The following FHIT variants were observed in gnomAD, a reference collection of about 807,000 sequenced individuals.
FHIT encodes bis(5'-adenosyl)-triphosphatase.
FHIT carries 19 observed loss-of-function variants against 17.9 expected under a neutral mutation model. The observed-to-expected ratio is 1.06, with a 90% confidence interval of 0.74 to 1.56. The LOEUF is 1.56. Among genes scored for constraint, FHIT ranks in the 40% most tolerant of loss-of-function variants. The probability of loss-of-function intolerance (pLI) is 0.00; values close to 1 mark genes in which losing one functional copy is unlikely to be tolerated. For synonymous variants in FHIT, 81 were observed against 69.7 expected (o/e 1.16, Z -0.81); for missense variants, 248 against 189.2 (o/e 1.31, Z -1.82).
At chr3:59,944,805 G>A (rs768341442) in intron 7 of FHIT, among the ~76,000 whole-genome samples, 15 of 152,094 alleles carry the variant, frequency 9.9e-5, no homozygotes, top group Non-Finnish European at 1.9e-4. Context: ...ATGTTAATTT[G>A]CTTAGGATAC....
intron 8 of FHIT, among the ~76,000 whole-genome samples, chr3:59,793,193 T>C (rs1416116941): frequency 6.6e-6 from 1 of 152,184 alleles, no homozygotes; most frequent in Non-Finnish European, 1.5e-5. Flanking sequence ...AGTTTTTGCA[T>C]CTAATTTCAG....
At chr3:59,878,025 A>G (rs1349255108) in intron 8 of FHIT, among the ~76,000 whole-genome samples, 1 of 152,192 alleles carries the variant, frequency 6.6e-6, no homozygotes, top group African/African-American at 2.4e-5. Flanking sequence ...ATATAGGCCA[A>G]ATTAATAAGG....
At chr3:60,850,187 C>G (rs1334499111) in intron 3 of FHIT, among the ~76,000 whole-genome samples, 2 of 152,022 alleles carry the variant, frequency 1.3e-5, no homozygotes, top group Non-Finnish European at 2.9e-5. Flanking sequence ...TCAGAGAGGC[C>G]TTCGCTGACT....
chr3:60,805,491 T>C lies in FHIT; in HGVS notation c.-18+16428A>G, dbSNP rs186818282. On this transcript the variant is annotated intron_variant, in intron 4 of 9. Coordinates refer to ENST00000492590, the MANE Select transcript of FHIT (RefSeq NM_002012.4). The stretch of plus-strand genomic sequence containing the variant: ...TCTTCTTATAAGGGCACCAGTTGCA[T>C]TGGATTAGGTCCCACCCTTATGACC... 1.5e-3 allele frequency among the ~76,000 whole-genome samples: 232 copies of C among 152,298 alleles called. 5 individuals carry two copies. In the South Asian group the frequency reaches 0.031, roughly 20 times the overall value.
At chr3:60,894,109 G>T (rs1705660289) in intron 3 of FHIT, among the ~76,000 whole-genome samples, 1 of 152,142 alleles carries the variant, frequency 6.6e-6, no homozygotes, top group Non-Finnish European at 1.5e-5. Flanking sequence ...TTATTGTGGG[G>T]ATGGGGGTTG....
chr3:60,910,187 G>C lies in FHIT; in HGVS notation c.-110-88176C>G, dbSNP rs563752897. Among the ~76,000 whole-genome samples the C allele has an allele frequency of 2.6e-5, 4 of 152,246 alleles. No individual in the cohort carries two copies. In the South Asian group the frequency reaches 8.3e-4, roughly 32 times the overall value. ...TCTAACCAATCAAAATCTTCTGGGG[G>C]AAGTGTATGAATCTGCAGTTAGAGA... is the stretch of plus-strand genomic sequence containing the variant. On this transcript the variant is annotated intron_variant, in intron 3 of 9. Coordinates refer to ENST00000492590, the MANE Select transcript of FHIT (RefSeq NM_002012.4).
At chr3:60,208,249 T>A (rs987321138) in intron 5 of FHIT, among the ~76,000 whole-genome samples, 2 of 152,200 alleles carry the variant, frequency 1.3e-5, no homozygotes, top group Non-Finnish European at 2.9e-5. Flanking sequence ...TTTAACCTTA[T>A]GAAACATTTT....
chr3:59,749,274 C>G lies in FHIT; in HGVS notation c.*311G>C, dbSNP rs1357358370. The G allele has an allele frequency of 8.7e-6, 2 of 230,496 alleles. No individual in the cohort carries two copies. The highest frequency in any genetic ancestry group is 1.7e-5 in the Non-Finnish European group (2 of 116,558). 14.3% of individuals were successfully genotyped at this position (230,496 alleles called of 1,614,324 possible). A position where few individuals can be genotyped will look rare whatever the true frequency, so the allele number is the denominator to read the frequency against. On this transcript the variant is annotated 3_prime_UTR_variant, in exon 10 of 10. Transcript: ENST00000492590. ...ACTGTAACTGTAATAGGTTTGTTGC[C>G]TAATTCATGGCAAGTCAATACACCG... is the stretch of plus-strand genomic sequence containing the variant.
chr3:60,116,950 A>T (rs1170827940), intron 5 of FHIT, among the ~76,000 whole-genome samples: 2 of 152,042 alleles, frequency 1.3e-5, no homozygotes, highest in Non-Finnish European at 2.9e-5. Flanking sequence ...ATATTGTACA[A>T]AATGCACCAT....
At chr3:61,215,116 C>G (rs904912924) in intron 1 of FHIT, among the ~76,000 whole-genome samples, 3 of 151,892 alleles carry the variant, frequency 2.0e-5, no homozygotes, top group African/African-American at 7.3e-5. Flanking sequence ...GATGCCCTCT[C>G]TCACCACTCC....
chr3:60,165,959 T>G (rs2107383395), intron 5 of FHIT, among the ~76,000 whole-genome samples: 1 of 152,288 alleles, frequency 6.6e-6, no homozygotes, highest in South Asian at 2.1e-4. Context: ...TTTTTATACT[T>G]ACAAAAATGC....
intron 5 of FHIT, among the ~76,000 whole-genome samples, chr3:60,249,537 A>AC (rs552893333): frequency 4.6e-5 from 7 of 151,052 alleles, no homozygotes; most frequent in African/African-American, 1.2e-4. Flanking sequence ...AGGATGAAGG[A>AC]TTTTTTTTTC....
At chr3:61,071,135 C>T (rs1387479287) in intron 2 of FHIT, among the ~76,000 whole-genome samples, 1 of 152,076 alleles carries the variant, frequency 6.6e-6, no homozygotes, top group Non-Finnish European at 1.5e-5. Flanking sequence ...ACTCAGCAAT[C>T]CCCTTGAGAA....
chr3:59,818,868 G>T (rs904372735), intron 8 of FHIT, among the ~76,000 whole-genome samples: 34 of 152,150 alleles, frequency 2.2e-4, no homozygotes, highest in African/African-American at 8.2e-4. Flanking sequence ...CTTCCCAGCT[G>T]CCCCTTGATG....
intron 5 of FHIT, among the ~76,000 whole-genome samples, chr3:60,085,541 T>C (rs1428830838): frequency 6.6e-6 from 1 of 152,180 alleles, no homozygotes; most frequent in African/African-American, 2.4e-5. Context: ...TCTAATGTTA[T>C]TTTTTTCCTC....
chr3:60,318,950 C>T (rs1709291870), intron 5 of FHIT, among the ~76,000 whole-genome samples: 1 of 152,084 alleles, frequency 6.6e-6, no homozygotes, highest in African/African-American at 2.4e-5. Flanking sequence ...TTCTTTCCCT[C>T]ATCTCCAAAG....
intron 7 of FHIT, among the ~76,000 whole-genome samples, chr3:59,997,429 AAC>A (rs1400889620): frequency 6.6e-6 from 1 of 152,172 alleles, no homozygotes; most frequent in Admixed American, 6.6e-5. Context: ...TGAAAAAGCA[AAC>A]TATTATAGCT....
rs565341668 is a variant in FHIT at position 60,159,712 on chromosome 3, G to A, written c.104-145560C>T. ...CATCCAAAAAATCTACATGGTAGATGCTAGAATTATCCCCAGTTCAAAGCT... is the reference window on the plus strand; with the variant it reads ...CATCCAAAAAATCTACATGGTAGATACTAGAATTATCCCCAGTTCAAAGCT... On this transcript the variant is annotated intron_variant, in intron 5 of 9. Coordinates refer to ENST00000492590, the MANE Select transcript of FHIT (RefSeq NM_002012.4). Among the ~76,000 whole-genome samples the A allele has an allele frequency of 1.1e-4, 16 of 152,264 alleles. No individual in the cohort carries two copies. In the South Asian group the frequency reaches 2.9e-3, roughly 28 times the overall value.
intron 8 of FHIT, among the ~76,000 whole-genome samples, chr3:59,763,047 C>T (rs559876192): frequency 2.0e-5 from 3 of 152,142 alleles, no homozygotes; most frequent in Non-Finnish European, 4.4e-5. Context: ...TTTTCCCCCC[C>T]GCCGGTGTTT....
Sources: gnomAD v4.1 joint callset for allele counts (sites outside exome capture counted in the v4.1 genomes callset) on GRCh38, gnomAD v4.1.1 for gene constraint, MANE v1.5 for transcripts, NCBI Gene and HGNC (gene_info 2026-07-23, HGNC 2026-07-21) for gene names.